GDAP2: variants seen among roughly 807,000 people sequenced by gnomAD.
The protein encoded by GDAP2 is ganglioside-induced differentiation-associated protein 2.
Under a neutral mutation model 67.0 loss-of-function variants are expected in GDAP2, and 51 were observed. The ratio of observed to expected loss-of-function variants is 0.76; its 90% CI spans 0.61 to 0.96. The LOEUF (loss-of-function observed/expected upper bound fraction) is 0.96. Among genes scored for constraint, GDAP2 ranks in the 40% least tolerant of loss-of-function variants. The probability of loss-of-function intolerance (pLI) is 0.00; values close to 1 mark genes in which losing one functional copy is unlikely to be tolerated. For missense variants in GDAP2, 547 were observed against 588.3 expected, an observed-to-expected ratio of 0.93 and a Z score of 0.73; for synonymous variants, 203 against 207.3, an observed-to-expected ratio of 0.98 and a Z score of 0.18.
At chr1:117,899,915 A>G (rs896834737) in intron 6 of GDAP2, among the ~76,000 whole-genome samples, 1 of 152,190 alleles carries the variant, frequency 6.6e-6, no homozygotes, top group African/African-American at 2.4e-5. Flanking sequence ...AAATAGTAAC[A>G]AAAAAATTAT....
chr1:117,927,002 T>TAA (rs11406734), intron 1 of GDAP2, among the ~76,000 whole-genome samples: 1,968 of 147,694 alleles, frequency 0.013, 36 homozygotes, highest in South Asian at 0.093. Context: ...AAGCCCTAGT[T>TAA]AAAAAAAAAA....
At chr1:117,904,644 T>C (rs79578414) in intron 6 of GDAP2, among the ~76,000 whole-genome samples, 1,608 of 152,314 alleles carry the variant, frequency 0.011, 24 homozygotes, top group African/African-American at 0.037. Context: ...CATGGTAAGT[T>C]GCCACGGCAC....
chr1:117,897,297 T>C (rs765603881), intron 7 of GDAP2, among the ~76,000 whole-genome samples: 3 of 152,208 alleles, frequency 2.0e-5, no homozygotes, highest in Non-Finnish European at 4.4e-5. Context: ...AGATTGTATC[T>C]GGCTTTAAAG....
intron 2 of GDAP2, among the ~76,000 whole-genome samples, chr1:117,919,636 T>C (rs1205717450): frequency 6.6e-6 from 1 of 152,164 alleles, no homozygotes; most frequent in African/African-American, 2.4e-5. Flanking sequence ...TATGCAACTC[T>C]ATGAATATAT....
intron 12 of GDAP2, among the ~76,000 whole-genome samples, chr1:117,880,803 G>A (rs971877784): frequency 6.6e-6 from 1 of 152,150 alleles, no homozygotes; most frequent in Non-Finnish European, 1.5e-5. Context: ...CAGGTATACT[G>A]CAAAGCTTAA....
chr1:117,894,913 C>T (rs1056660201), intron 8 of GDAP2, among the ~76,000 whole-genome samples: 1 of 152,072 alleles, frequency 6.6e-6, no homozygotes, highest in Non-Finnish European at 1.5e-5. Context: ...AAATACTTTT[C>T]TGATGAGATT....
chr1:117,889,693 C>A (rs886232730), intron 8 of GDAP2, among the ~76,000 whole-genome samples: 1 of 151,796 alleles, frequency 6.6e-6, no homozygotes, highest in South Asian at 2.1e-4. Flanking sequence ...AATATAAAAA[C>A]GTAAATTATG....
intron 8 of GDAP2, among the ~76,000 whole-genome samples, chr1:117,890,432 T>C (rs746804666): frequency 1.3e-5 from 2 of 152,104 alleles, no homozygotes; most frequent in Admixed American, 6.6e-5. Context: ...TCTATATCTA[T>C]CTATATTCAA....
intron 8 of GDAP2, among the ~76,000 whole-genome samples, chr1:117,889,764 T>C (rs1337438635): frequency 6.6e-6 from 1 of 152,144 alleles, no homozygotes; most frequent in Admixed American, 6.6e-5. Flanking sequence ...TTTAAATCAT[T>C]CTATTATATA....
chr1:117,885,155 G>A (rs1438418642), intron 10 of GDAP2, among the ~76,000 whole-genome samples: 1 of 152,082 alleles, frequency 6.6e-6, no homozygotes, highest in Non-Finnish European at 1.5e-5. Flanking sequence ...ACCACACCTG[G>A]CTGTGTGCAT....
intron 8 of GDAP2, among the ~76,000 whole-genome samples, chr1:117,895,365 T>C (rs1450265812): frequency 1.3e-5 from 2 of 152,146 alleles, no homozygotes; most frequent in Admixed American, 1.3e-4. Flanking sequence ...CTGTCTTCCA[T>C]TAAATCAAAC....
In GDAP2 at chr1:117,899,231, C is replaced by G. The variant is rs200406762; in HGVS notation, c.637-15G>C. 2,288 of 1,591,404 alleles carry G rather than the reference C, an allele frequency of 1.4e-3. 4 individuals are homozygous for G. The highest frequency in any genetic ancestry group is 1.8e-3 in the Non-Finnish European group (2,052 of 1,159,522). ...TGGTAAGTACCCTGTGTCAGAAAAGCAAGACATTCTGTGAAAAATAGAACA... is the reference window on the plus strand; with the variant it reads ...TGGTAAGTACCCTGTGTCAGAAAAGGAAGACATTCTGTGAAAAATAGAACA... On this transcript the variant is annotated splice_polypyrimidine_tract_variant and intron_variant, in intron 6 of 13. Coordinates refer to ENST00000369443, the MANE Select transcript of GDAP2 (RefSeq NM_017686.4).
At chr1:117,871,534 A>C (rs960424670) in intron 13 of GDAP2, among the ~76,000 whole-genome samples, 1 of 152,232 alleles carries the variant, frequency 6.6e-6, no homozygotes, top group African/African-American at 2.4e-5. Flanking sequence ...GCATTTCTTC[A>C]TGGTACATTT....
At chr1:117,876,219 T>C (rs1282937072) in intron 13 of GDAP2, among the ~76,000 whole-genome samples, 1 of 152,140 alleles carries the variant, frequency 6.6e-6, no homozygotes, top group Admixed American at 6.5e-5. Flanking sequence ...AAGTAAGTCC[T>C]TGCTCTATTA....
chr1:117,919,352 C>T (rs1570994999), intron 2 of GDAP2, among the ~76,000 whole-genome samples: 2 of 145,024 alleles, frequency 1.4e-5, no homozygotes, highest in African/African-American at 5.2e-5. Context: ...CCAGCCTGGG[C>T]GACAGAGCAA....
intron 2 of GDAP2, 66 bp from the exon 3 acceptor site, chr1:117,918,802 A>G (rs1159327070): frequency 3.3e-6 from 4 of 1,224,828 alleles, no homozygotes; most frequent in Non-Finnish European, 4.7e-6. Flanking sequence ...GTTTCTAATT[A>G]TTTCAAAACA....
At chr1:117,893,669 C>T (rs942564180) in intron 8 of GDAP2, among the ~76,000 whole-genome samples, 1 of 152,156 alleles carries the variant, frequency 6.6e-6, no homozygotes, top group African/African-American at 2.4e-5. Context: ...CTACAACCTA[C>T]AATCTCAAAT....
At chr1:117,914,123 T>C (rs1220710053) in intron 3 of GDAP2, among the ~76,000 whole-genome samples, 2 of 152,172 alleles carry the variant, frequency 1.3e-5, no homozygotes, top group African/African-American at 2.4e-5. Context: ...AAGTTTCCCA[T>C]GAACTTTTCA....
chr1:117,917,594 C>CA (rs1264283576), intron 3 of GDAP2, among the ~76,000 whole-genome samples: 1 of 152,176 alleles, frequency 6.6e-6, no homozygotes, highest in Admixed American at 6.5e-5. Context: ...AGCTCAGACT[C>CA]AGAGGTGAAG....
Sources: gnomAD v4.1 joint callset for allele counts (sites outside exome capture counted in the v4.1 genomes callset) on GRCh38, gnomAD v4.1.1 for gene constraint, MANE v1.5 for transcripts, NCBI Gene and HGNC (gene_info 2026-07-23, HGNC 2026-07-21) for gene names.